The following SDK2 variants were observed in gnomAD, a reference collection of about 807,000 sequenced individuals.
SDK2 encodes sidekick cell adhesion molecule 2.
In SDK2, 105 loss-of-function variants were observed where a neutral mutation model predicts 253.9. The observed-to-expected ratio is 0.41, with a 90% confidence interval of 0.35 to 0.49. The LOEUF is 0.49. SDK2 is among the 20% of genes least tolerant of loss of function. The pLI is 0.06. For synonymous variants in SDK2, 1,249 were observed against 1,234.9 expected (o/e 1.01, Z -0.24); for missense variants, 2,608 against 3,003.0 (o/e 0.87, Z 3.07).
chr17:73,632,131 A>T (rs978106140), intron 1 of SDK2, among the ~76,000 whole-genome samples: 1 of 152,272 alleles, frequency 6.6e-6, no homozygotes, highest in Non-Finnish European at 1.5e-5. Context: ...TAGGCCAGCC[A>T]TAGCAGATAG....
intron 1 of SDK2, among the ~76,000 whole-genome samples, chr17:73,586,779 T>C (rs900812675): frequency 3.3e-5 from 5 of 152,220 alleles, no homozygotes; most frequent in African/African-American, 1.2e-4. Context: ...ATCGTTGGCA[T>C]TCTAAAGGCT....
At chr17:73,466,722 C>CT (rs1054460402) in intron 3 of SDK2, among the ~76,000 whole-genome samples, 2 of 145,902 alleles carry the variant, frequency 1.4e-5, no homozygotes, top group Admixed American at 1.4e-4. Flanking sequence ...AACGCCCCCC[C>CT]CCCCCGGCTT....
rs1448850469 is a variant in SDK2, at chr17:73,621,326, A to G, written c.64+22699T>C. ...TCCCCCTAAAACAAAAAGTAAAATC[A>G]ATACTTGTTGAAGAAATGTAATAGA... is the stretch of plus-strand genomic sequence containing the variant. On this transcript the variant is annotated intron_variant, in intron 1 of 44. Coordinates refer to ENST00000392650, the MANE Select transcript of SDK2 (RefSeq NM_001144952.2). 2.0e-5 allele frequency among the ~76,000 whole-genome samples: 3 copies of G among 152,214 alleles called. No individual in the cohort carries two copies. In the East Asian group the frequency reaches 5.8e-4, roughly 29 times the overall value.
chr17:73,570,357 G>C lies in SDK2; in HGVS notation c.65-62760C>G, dbSNP rs572590082. The stretch of plus-strand genomic sequence containing the variant: ...GCTCCTGGCTCTGTTTTCTCAAATC[G>C]CAGCAGAGCATATGCTCAATAAAGA... On this transcript the variant is annotated intron_variant, in intron 1 of 44. Transcript: ENST00000392650. The surrounding 1 kb of genome is among the most constrained non-coding windows in gnomAD (Gnocchi z 4.2). Among the ~76,000 whole-genome samples, 1 of 152,266 alleles carries C rather than the reference G, an allele frequency of 6.6e-6. No homozygotes were observed. The highest frequency in any genetic ancestry group is 1.5e-5 in the Non-Finnish European group (1 of 68,018).
intron 1 of SDK2, among the ~76,000 whole-genome samples, chr17:73,543,309 G>C (rs553306307): frequency 1.3e-5 from 2 of 152,082 alleles, no homozygotes; most frequent in Non-Finnish European, 2.9e-5. Context: ...ACCCTCGCAG[G>C]TGTGGTGTGT....
At chr17:73,631,793 C>T (rs1330516081) in intron 1 of SDK2, among the ~76,000 whole-genome samples, 1 of 152,260 alleles carries the variant, frequency 6.6e-6, no homozygotes, top group Non-Finnish European at 1.5e-5. Context: ...GGAGCCTCAG[C>T]TCTTCTGGAA....
intron 2 of SDK2, among the ~76,000 whole-genome samples, chr17:73,478,336 C>T (rs548643048): frequency 1.7e-4 from 26 of 152,188 alleles, no homozygotes; most frequent in Middle Eastern, 3.4e-3. Flanking sequence ...AGGAATCTTC[C>T]GGGTGGAGGA....
chr17:73,440,989 G>C (rs2063411300), intron 5 of SDK2, 66 bp from the exon 6 acceptor site: 1 of 1,214,258 alleles, frequency 8.2e-7, no homozygotes, highest in African/African-American at 1.5e-5. Flanking sequence ...AGCCTCATTA[G>C]AGGCTGATGC....
At chr17:73,442,723 T>TA (rs1282414574) in intron 5 of SDK2, among the ~76,000 whole-genome samples, 1 of 151,906 alleles carries the variant, frequency 6.6e-6, no homozygotes, top group Non-Finnish European at 1.5e-5. Flanking sequence ...ATACGTGTGT[T>TA]AAGTGAACAA....
At position 73,433,856 on chromosome 17, in the gene SDK2, C is replaced by A. The variant is rs772506253; in HGVS notation, c.1196-8G>T. On this transcript the variant is annotated splice_region_variant and splice_polypyrimidine_tract_variant and intron_variant, in intron 9 of 44. Coordinates refer to ENST00000392650, the MANE Select transcript of SDK2 (RefSeq NM_001144952.2). ...TGATGTTAGGGGCGATGCCTGCAAA[C>A]AGAGAAGTGGGGCCTTTTAGCCACA... 1 of 1,513,116 alleles carries A rather than the reference C, an allele frequency of 6.6e-7. No individual in the cohort carries two copies. 93.7% of individuals were successfully genotyped at this position (1,513,116 alleles called of 1,614,324 possible). A position where few individuals can be genotyped will look rare whatever the true frequency, so the allele number is the denominator to read the frequency against.
chr17:73,342,737 G>A (rs545453327), intron 44 of SDK2, among the ~76,000 whole-genome samples: 11 of 152,290 alleles, frequency 7.2e-5, no homozygotes, highest in Admixed American at 5.2e-4. Context: ...CTTGTGGCAC[G>A]GGGAAGTTCT....
intron 36 of SDK2, chr17:73,369,290 T>C: frequency 5.8e-6 from 2 of 345,358 alleles, no homozygotes; most frequent in South Asian, 4.5e-5. Flanking sequence ...CAAGTGCTGG[T>C]GGCCTCATGT....
intron 1 of SDK2, among the ~76,000 whole-genome samples, chr17:73,533,393 C>G (rs1467584450): frequency 1.3e-5 from 2 of 152,242 alleles, no homozygotes; most frequent in East Asian, 3.8e-4. Flanking sequence ...GGCACATCCC[C>G]TGGCAGTCTG....
chr17:73,470,143 G>GCACA (rs2063638040), intron 3 of SDK2, among the ~76,000 whole-genome samples: 1 of 151,762 alleles, frequency 6.6e-6, no homozygotes, highest in South Asian at 2.1e-4. Flanking sequence ...ATACTCAAAT[G>GCACA]CACACACATG....
At chr17:73,387,403 T>C (rs1040173089) in intron 30 of SDK2, among the ~76,000 whole-genome samples, 7 of 152,098 alleles carry the variant, frequency 4.6e-5, no homozygotes, top group Non-Finnish European at 8.8e-5. Flanking sequence ...GGGAAGAAAG[T>C]ATTGCTCAAA....
At chr17:73,475,136 A>T (rs1288011114) in intron 2 of SDK2, among the ~76,000 whole-genome samples, 4 of 152,062 alleles carry the variant, frequency 2.6e-5, no homozygotes, top group Non-Finnish European at 4.4e-5. Flanking sequence ...TGCTCCTAGG[A>T]GCTGGCCTTT....
chr17:73,540,113 C>T (rs1012080578), intron 1 of SDK2, among the ~76,000 whole-genome samples: 2 of 152,110 alleles, frequency 1.3e-5, no homozygotes, highest in Non-Finnish European at 2.9e-5. Context: ...GAGGAGCAGC[C>T]CCCACCAGAG....
intron 1 of SDK2, among the ~76,000 whole-genome samples, chr17:73,535,379 G>T (rs1389961247): frequency 6.6e-6 from 1 of 152,174 alleles, no homozygotes; most frequent in Non-Finnish European, 1.5e-5. Context: ...CAGGAAAAAT[G>T]ACATGATGCC....
rs527300776 is a variant in SDK2 at position 73,390,284 on chromosome 17, C to T, written c.4192+3G>A. 2 of 1,569,132 alleles carry T rather than the reference C, an allele frequency of 1.3e-6. No individual in the cohort carries two copies. Among genetic ancestry groups the T allele is most frequent in the African/African-American group, 1.4e-5 (1 of 73,814 alleles). On this transcript the variant is annotated splice_donor_region_variant and intron_variant, in intron 29 of 44. Transcript: ENST00000392650. ...GCCTTCCCTGGCCCCCGTGGGCAGT[C>T]ACCTCTCTTCTCGGTGGTCACCACC...
Sources: gnomAD v4.1 joint callset for allele counts (sites outside exome capture counted in the v4.1 genomes callset) on GRCh38, gnomAD v4.1.1 for gene constraint, Gnocchi (gnomAD v3.1) non-coding constraint, MANE v1.5 for transcripts, NCBI Gene and HGNC (gene_info 2026-07-23, HGNC 2026-07-21) for gene names.